Variants in TRIM71 observed in about 807,000 individuals in gnomAD.
TRIM71 encodes the protein E3 ubiquitin-protein ligase TRIM71.
In TRIM71, 9 loss-of-function variants were observed where a neutral mutation model predicts 61.2. The ratio of observed to expected loss-of-function variants is 0.15; its 90% CI spans 0.09 to 0.26. The LOEUF (loss-of-function observed/expected upper bound fraction) is 0.26, where lower values mean the gene tolerates loss of function less well. TRIM71 is among the 10% of genes least tolerant of loss of function. The pLI, the probability that TRIM71 is intolerant of heterozygous loss-of-function variation, is 1.00. For synonymous variants in TRIM71, 645 were observed against 553.2 expected, an observed-to-expected ratio of 1.17 and a Z score of -2.33; for missense variants, 998 against 1,238.7, an observed-to-expected ratio of 0.81 and a Z score of 2.92.
rs1012116907 is a variant in TRIM71, at chr3:32,876,338, C to G, written c.1020+2353C>G. 3.3e-5 allele frequency among the ~76,000 whole-genome samples: 5 copies of G among 152,290 alleles called. No homozygotes were observed. The East Asian group carries it at 5.8e-4, about 18-fold the overall frequency. ...GTTGCTCAAACCTGTAATCCCAGCA[C>G]TTTGGGAGGCCGAGGTGGGTAGATC... On this transcript the variant is annotated intron_variant, in intron 2 of 3. Transcript: ENST00000383763.
At chr3:32,847,263 C>G (rs1324817504) in intron 1 of TRIM71, among the ~76,000 whole-genome samples, 1 of 145,740 alleles carries the variant, frequency 6.9e-6, no homozygotes, top group Non-Finnish European at 1.5e-5. Flanking sequence ...ATGGCGCAAT[C>G]TCAGCACACC....
rs200612822 is a variant in TRIM71 at position 32,818,851 on chromosome 3, G to A, written c.771G>A (p.Gly257=). The A allele has an allele frequency of 1.2e-3, 1,876 of 1,612,262 alleles. 1 individual carries two copies. Among genetic ancestry groups the A allele is most frequent in the Non-Finnish European group, 1.5e-3 (1,756 of 1,179,726 alleles). ...CAGCGGCGCAGCAGCTCGGGCTCGG[G>A]CCGCCCTTTCCCGGCCCGCCCTTCT... The part of the protein sequence containing the change: ...AAAAAQQLGL[G]PPFPGPPFSI... The change falls in exon 1 of 4, where the codon GGG becomes GGA. Residue 257 remains glycine, a synonymous_variant. Transcript: ENST00000383763.
At chr3:32,872,494 GGA>G (rs577142865) in intron 1 of TRIM71, among the ~76,000 whole-genome samples, 226 of 152,196 alleles carry the variant, frequency 1.5e-3, no homozygotes, top group Non-Finnish European at 2.9e-3. Flanking sequence ...CTCTCTTTTT[GGA>G]GCTCTCCGCC....
intron 1 of TRIM71, among the ~76,000 whole-genome samples, chr3:32,851,473 TTTTG>T (rs984790064): frequency 1.1e-4 from 17 of 152,120 alleles, no homozygotes; most frequent in African/African-American, 4.1e-4. Flanking sequence ...AAACTTTGTT[TTTTG>T]TTTTTGTTTT....
intron 1 of TRIM71, among the ~76,000 whole-genome samples, chr3:32,836,835 T>G (rs1349284445): frequency 6.6e-6 from 1 of 152,184 alleles, no homozygotes; most frequent in Non-Finnish European, 1.5e-5. Context: ...TGGTAGCTAT[T>G]ATACTGGTAG....
At chr3:32,848,483 C>CGTTGTGGAAG (rs1181121100) in intron 1 of TRIM71, among the ~76,000 whole-genome samples, 10 of 152,148 alleles carry the variant, frequency 6.6e-5, no homozygotes, top group African/African-American at 2.4e-4. Context: ...GGCATGAAGC[C>CGTTGTGGAAG]GTTGTGGAAG....
In TRIM71 at chr3:32,851,562, G is replaced by A. The variant is rs146073923; in HGVS notation, c.853-22256G>A. On this transcript the variant is annotated intron_variant, in intron 1 of 3. Transcript: ENST00000383763. ...GGTGTGATCTCAGCTCACTGCTACCGTCGCCTCCCAGGTTCAAGCGATTTT... is the reference window on the plus strand; with the variant it reads ...GGTGTGATCTCAGCTCACTGCTACCATCGCCTCCCAGGTTCAAGCGATTTT... 3.8e-3 allele frequency among the ~76,000 whole-genome samples: 573 copies of A among 152,084 alleles called. 3 individuals are homozygous for A. The highest frequency in any genetic ancestry group is 9.4e-3 in the African/African-American group (388 of 41,486).
intron 3 of TRIM71, among the ~76,000 whole-genome samples, chr3:32,889,645 A>G (rs116603086): frequency 0.022 from 3,279 of 150,334 alleles, 146 homozygotes; most frequent in African/African-American, 0.074. Flanking sequence ...TTGGAGTGCA[A>G]TGGTGTGATC....
At chr3:32,826,876 C>CCTCA (rs1389780176) in intron 1 of TRIM71, among the ~76,000 whole-genome samples, 1 of 152,134 alleles carries the variant, frequency 6.6e-6, no homozygotes, top group Non-Finnish European at 1.5e-5. Flanking sequence ...CATCCTCCTG[C>CCTCA]CTCAGCCTTC....
At chr3:32,844,130 C>T (rs1696443725) in intron 1 of TRIM71, among the ~76,000 whole-genome samples, 1 of 152,140 alleles carries the variant, frequency 6.6e-6, no homozygotes, top group Admixed American at 6.5e-5. Context: ...TGTAAATCAG[C>T]CCTTCCCTGG....
At position 32,818,941 on chromosome 3, in the gene TRIM71, G is replaced by A. The variant is rs762201841; in HGVS notation, c.852+9G>A. On this transcript the variant is annotated intron_variant, in intron 1 of 3. Transcript: ENST00000383763. ...AGCACCACGACGACGAGGTGAGTGC[G>A]TGGGGGCGTGTGTTTGTGTCCATCG... 3.7e-6 allele frequency: 6 copies of A among 1,609,938 alleles called. No individual in the cohort carries two copies. In the African/African-American group the frequency reaches 6.7e-5, roughly 18 times the overall value.
At chr3:32,841,589 G>T (rs986077958) in intron 1 of TRIM71, among the ~76,000 whole-genome samples, 3 of 152,094 alleles carry the variant, frequency 2.0e-5, no homozygotes, top group Non-Finnish European at 2.9e-5. Context: ...CTGCACTCCA[G>T]CGTGGGCCAC....
chr3:32,874,046 G>T (rs1696826139), intron 2 of TRIM71, 61 bp downstream of exon 2: 2 of 1,514,742 alleles, frequency 1.3e-6, no homozygotes, highest in Non-Finnish European at 1.8e-6. Context: ...TCTGTCGGGT[G>T]GCATGGACAG....
rs1559548193 is a variant in TRIM71 at position 32,873,060 on chromosome 3, T to TCCCTCC, written c.853-757_853-756insCCTCCC. Among the ~76,000 whole-genome samples the TCCCTCC allele has an allele frequency of 7.6e-3, 734 of 96,082 alleles. 15 individuals are homozygous for TCCCTCC. Among genetic ancestry groups the TCCCTCC allele is most frequent in the African/African-American group, 0.017 (468 of 28,022 alleles). 63.0% of individuals were successfully genotyped at this position (96,082 alleles called of 152,430 possible). On this transcript the variant is annotated intron_variant, in intron 1 of 3. Transcript: ENST00000383763. Reference sequence around the variant, plus strand: ...TAAAGGTTGTGCCAGCCCTTCTCTCTCTTCCTCCCTCCCTCCCTCCCTCCC... The same window carrying TCCCTCC: ...TAAAGGTTGTGCCAGCCCTTCTCTCTCCCTCCCTTCCTCCCTCCCTCCCTCCCTCCC...
chr3:32,874,007 G>T, intron 2 of TRIM71, 22 bp downstream of exon 2: 1 of 1,584,750 alleles, frequency 6.3e-7, no homozygotes, highest in Non-Finnish European at 8.6e-7. Context: ...CTGCCCTTCT[G>T]CAGTTCCCAC....
intron 1 of TRIM71, among the ~76,000 whole-genome samples, chr3:32,843,619 A>G (rs776386280): frequency 1.3e-5 from 2 of 152,158 alleles, no homozygotes; most frequent in Admixed American, 6.5e-5. Flanking sequence ...CCCATTCTGC[A>G]GGGTTTTAAT....
At chr3:32,870,403 G>T (rs772447263) in intron 1 of TRIM71, among the ~76,000 whole-genome samples, 91 of 152,078 alleles carry the variant, frequency 6.0e-4, no homozygotes, top group Non-Finnish European at 1.2e-3. Context: ...GCGGCCTGGA[G>T]CTGTGAAAGC....
chr3:32,839,666 G>GGGGGT (rs1696380748), intron 1 of TRIM71, among the ~76,000 whole-genome samples: 1 of 136,614 alleles, frequency 7.3e-6, no homozygotes, highest in Non-Finnish European at 1.6e-5. Flanking sequence ...TTTTTTGGGG[G>GGGGGT]GGGGGTGGGG....
intron 1 of TRIM71, among the ~76,000 whole-genome samples, chr3:32,820,136 A>G (rs6796921): frequency 0.21 from 32,187 of 152,112 alleles, 3,423 homozygotes; most frequent in Middle Eastern, 0.31. Flanking sequence ...CTTGACTTAG[A>G]GCGTAAGCTG....
Sources: allele counts gnomAD v4.1 joint callset (sites outside exome capture counted in the v4.1 genomes callset), GRCh38; gene constraint gnomAD v4.1.1; transcripts MANE v1.5; gene names NCBI Gene and HGNC (gene_info 2026-07-23, HGNC 2026-07-21).